Variants in NSD1 observed in about 807,000 individuals in gnomAD.
The protein encoded by NSD1 is nuclear receptor binding SET domain protein 1.
A neutral mutation model predicts 242.7 loss-of-function variants in NSD1; 26 were observed. That is an observed-to-expected ratio of 0.11 (90% CI 0.08 to 0.15). The LOEUF is 0.15. NSD1 is among the 10% of genes least tolerant of loss of function. The pLI is 1.00. For synonymous variants in NSD1, 1,106 were observed against 1,178.1 expected, an observed-to-expected ratio of 0.94 and a Z score of 1.25; for missense variants, 2,495 against 3,272.8, an observed-to-expected ratio of 0.76 and a Z score of 5.80.
intron 4 of NSD1, among the ~76,000 whole-genome samples, chr5:177,205,907 A>G (rs58154687): frequency 0.04 from 6,056 of 152,136 alleles, 409 homozygotes; most frequent in African/African-American, 0.14. Context: ...TACTGCAGCT[A>G]TGACCTCCCA....
At chr5:177,243,524 G>A (rs1422837825) in intron 8 of NSD1, among the ~76,000 whole-genome samples, 1 of 152,154 alleles carries the variant, frequency 6.6e-6, no homozygotes, top group African/African-American at 2.4e-5. Context: ...AGTACAGGGT[G>A]GAGTGCAATA....
At chr5:177,160,241 A>C (rs1401280228) in intron 2 of NSD1, among the ~76,000 whole-genome samples, 3 of 152,022 alleles carry the variant, frequency 2.0e-5, no homozygotes, top group Non-Finnish European at 2.9e-5. Context: ...TATCAGGGTA[A>C]TACTGTCTTC....
At position 177,237,780 on chromosome 5, in the gene NSD1, G is replaced by T. The variant is rs139940030; in HGVS notation, c.3922-457G>T. ...GATCTCCTGACCTCGTGATCTGCCT[G>T]CCTTGGCCTCCCAAAGTTCTGGAAT... On this transcript the variant is annotated intron_variant, in intron 6 of 22. Transcript: ENST00000439151. 6.7e-3 allele frequency among the ~76,000 whole-genome samples: 1,025 copies of T among 152,122 alleles called. 9 individuals carry two copies. Among genetic ancestry groups the T allele is most frequent in the African/African-American group, 0.024 (976 of 41,500 alleles).
intron 8 of NSD1, among the ~76,000 whole-genome samples, chr5:177,240,462 C>A (rs1027228359): frequency 6.6e-6 from 1 of 151,964 alleles, no homozygotes; most frequent in East Asian, 1.9e-4. Context: ...GCCTGTAATC[C>A]CAGCATTTTG....
chr5:177,206,877 C>T (rs72813158), intron 4 of NSD1, among the ~76,000 whole-genome samples: 105 of 151,554 alleles, frequency 6.9e-4, no homozygotes, highest in African/African-American at 2.5e-3. Context: ...AAAATACACA[C>T]TACCAGATTG....
chr5:177,144,194 G>C (rs1757049276), intron 2 of NSD1, among the ~76,000 whole-genome samples: 1 of 151,850 alleles, frequency 6.6e-6, no homozygotes, highest in South Asian at 2.1e-4. Context: ...TGAAAGAGTT[G>C]TGAATTTCAA....
chr5:177,160,312 G>C (rs946892830), intron 2 of NSD1, among the ~76,000 whole-genome samples: 2 of 151,140 alleles, frequency 1.3e-5, no homozygotes, highest in African/African-American at 2.4e-5. Context: ...CTTTTCTTTT[G>C]TTTTTTGTTT....
chr5:177,211,257 C>G lies in NSD1; in HGVS notation c.2858C>G (p.Ser953Cys). Residue 953 changes from serine to cysteine, a missense_variant, in exon 5 of 23, where the codon TCT (serine) becomes TGT (cysteine). Physicochemically the swap from Ser to Cys is moderately radical, Grantham distance 112. Around this residue, in one of 19 missense-constraint regions of NSD1, gnomAD observed 121 missense variants for 167.2 expected, o/e 0.72. Transcript: ENST00000439151. ...DCSTNSPVGV[S>C]KVLVSGGSTH... ...TCTACTAATAGTCCTGTAGGAGTCT[C>G]TAAGGTTTTGGTTTCAGGAGGCTCC... 3 of 1,614,034 alleles carry G rather than the reference C, an allele frequency of 1.9e-6. No individual in the cohort carries two copies. The highest frequency in any genetic ancestry group is 2.5e-6 in the Non-Finnish European group (3 of 1,179,990).
chr5:177,279,437 G>T (rs1377394060), intron 17 of NSD1, among the ~76,000 whole-genome samples: 1 of 151,968 alleles, frequency 6.6e-6, no homozygotes, highest in Non-Finnish European at 1.5e-5. Flanking sequence ...GGCAGAGGTT[G>T]CAGTCAGCCA....
At chr5:177,152,829 C>T (rs567594885) in intron 2 of NSD1, among the ~76,000 whole-genome samples, 6 of 149,408 alleles carry the variant, frequency 4.0e-5, no homozygotes, top group Non-Finnish European at 8.9e-5. Flanking sequence ...AAATTATAGG[C>T]GTGTGCCCTC....
chr5:177,171,044 G>A (rs901785925), intron 2 of NSD1, among the ~76,000 whole-genome samples: 4 of 151,160 alleles, frequency 2.6e-5, no homozygotes, highest in Admixed American at 6.6e-5. Context: ...GAAACCGGGC[G>A]GGGCGTGGTG....
Position 177,134,000 on chromosome 5 carries a change from AG to A in NSD1, c.-18+51del. ...CGGCGGGCAGGCGCGAGGAGAAGGG[AG>A]GGAGGAGGGTGGCCGGGCGGGGAAG... On this transcript the variant is annotated intron_variant, in intron 1 of 22. Transcript: ENST00000439151. This position sits in a 1 kb window ranked among gnomAD's most constrained non-coding sequence, Gnocchi z 6.2. 1 of 102,696 alleles carries A rather than the reference AG, an allele frequency of 9.7e-6. No individual in the cohort carries two copies. The highest frequency in any genetic ancestry group is 3.2e-4 in the South Asian group (1 of 3,126). 6.4% of individuals were successfully genotyped at this position (102,696 alleles called of 1,614,324 possible). A position where few individuals can be genotyped will look rare whatever the true frequency, so the allele number is the denominator to read the frequency against.
In NSD1 at chr5:177,211,694, A is replaced by T. The variant is rs1414806576; in HGVS notation, c.3295A>T (p.Ser1099Cys). 2 of 1,614,122 alleles carry T rather than the reference A, an allele frequency of 1.2e-6. No homozygotes were observed. Among genetic ancestry groups the T allele is most frequent in the East Asian group, 4.5e-5 (2 of 44,876 alleles). ...CCTTCAGATAATGGGCCACTTAACA[A>T]GTGAAGATGGTGACCATTTTTCTGA... ...DPLQIMGHLT[S>C]EDGDHFSDVH... The change falls in exon 5 of 23, where the codon AGT (serine) becomes TGT (cysteine). Residue 1099 changes from serine to cysteine, a missense_variant. This residue lies in a region of NSD1 where 426 missense variants were observed against 411.4 expected (regional missense o/e 1.04). Transcript: ENST00000439151.
At position 177,244,313 on chromosome 5, in the gene NSD1, T is replaced by A; in HGVS notation, c.4378+43T>A. The A allele has an allele frequency of 3.0e-6, 4 of 1,334,958 alleles. No individual in the cohort carries two copies. The South Asian group carries it at 4.8e-5, about 16-fold the overall frequency. The allele number at this position is 1,334,958 out of a possible 1,614,324, so 82.7% of individuals were successfully genotyped here. ...TTAAAAAACGTAATGCAGTAGTAAG[T>A]TTGAAGTGCTTTGTCTGTTAACCAC... On this transcript the variant is annotated intron_variant, in intron 9 of 22. Transcript: ENST00000439151.
At chr5:177,138,291 T>C (rs973989762) in intron 2 of NSD1, among the ~76,000 whole-genome samples, 6 of 152,204 alleles carry the variant, frequency 3.9e-5, no homozygotes, top group Non-Finnish European at 5.9e-5. Context: ...ACAGTCATGC[T>C]GTCACCCAGG....
intron 2 of NSD1, among the ~76,000 whole-genome samples, chr5:177,142,624 G>A (rs906771880): frequency 5.9e-5 from 9 of 152,316 alleles, no homozygotes; most frequent in African/African-American, 9.6e-5. Context: ...CTTATATGCC[G>A]TGCTGTATAG....
intron 5 of NSD1, among the ~76,000 whole-genome samples, chr5:177,212,472 TCTTTC>T (rs1456377314): frequency 1.4e-5 from 2 of 144,224 alleles, no homozygotes; most frequent in African/African-American, 5.4e-5. Flanking sequence ...TCTCTCTCTC[TCTTTC>T]TCTCTCTCTC....
chr5:177,215,176 T>C (rs987437828), intron 5 of NSD1, among the ~76,000 whole-genome samples: 1 of 150,284 alleles, frequency 6.7e-6, no homozygotes, highest in Admixed American at 6.6e-5. Context: ...AGATCTGGTT[T>C]TCAATTTTTT....
At chr5:177,265,547 G>A (rs1298732029) in intron 14 of NSD1, 7 of 909,832 alleles carry the variant, frequency 7.7e-6, no homozygotes, top group South Asian at 2.9e-5. Flanking sequence ...CCCTGGGCCC[G>A]TGCAGGGCGG....
Sources: gnomAD v4.1 joint callset for allele counts (sites outside exome capture counted in the v4.1 genomes callset) on GRCh38, gnomAD v4.1.1 for gene constraint, gnomAD v4.1.1 regional missense constraint, Gnocchi (gnomAD v3.1) non-coding constraint, MANE v1.5 for transcripts, NCBI Gene and HGNC (gene_info 2026-07-23, HGNC 2026-07-21) for gene names.